SYT2: variants seen among roughly 807,000 people sequenced by gnomAD.
SYT2 encodes the protein synaptotagmin 2, also known as synaptotagmin-2.
SYT2 carries 15 observed loss-of-function variants against 39.9 expected under a neutral mutation model. That is an observed-to-expected ratio of 0.38 (90% confidence interval 0.25 to 0.58). The LOEUF is 0.58. Among genes scored for constraint, SYT2 ranks in the 20% least tolerant of loss-of-function variants. SYT2 has a pLI of 0.70. For synonymous variants in SYT2, 181 were observed against 204.5 expected (o/e 0.89, Z 0.98); for missense variants, 389 against 530.3 (o/e 0.73, Z 2.62).
intron 1 of SYT2, among the ~76,000 whole-genome samples, chr1:202,612,874 T>C (rs557019317): frequency 6.6e-6 from 1 of 152,184 alleles, no homozygotes; most frequent in African/African-American, 2.4e-5. Flanking sequence ...TCCTTCAAGA[T>C]TGTTTTGTAG....
chr1:202,596,952 T>C lies in SYT2; in HGVS notation c.1065A>G (p.Val355=). ...TGTCATAGTCCAGCACGGTGACCAC[T>C]ACCTGGACTTTCTGCAAGGAAAACG... is the stretch of plus-strand genomic sequence containing the variant. ...IPFEQIQKVQ[V]VVTVLDYDKL... is the part of the protein sequence containing the mutation. The change falls in exon 9 of 9, where the codon GTA becomes GTG. Residue 355 remains valine, a synonymous_variant. Coordinates refer to ENST00000367268, the MANE Select transcript of SYT2 (RefSeq NM_177402.5). 1 of 1,613,338 alleles carries C rather than the reference T, an allele frequency of 6.2e-7. No individual in the cohort carries two copies. Among genetic ancestry groups the C allele is most frequent in the Non-Finnish European group, 8.5e-7 (1 of 1,179,384 alleles).
chr1:202,618,895 AAAG>A (rs983366052), intron 1 of SYT2, among the ~76,000 whole-genome samples: 2 of 152,192 alleles, frequency 1.3e-5, no homozygotes, highest in African/African-American at 4.8e-5. Flanking sequence ...AAAAATGTAA[AAAG>A]AAGGAAAACA....
chr1:202,705,849 T>G (rs1416932739), intron 1 of SYT2, among the ~76,000 whole-genome samples: 1 of 151,804 alleles, frequency 6.6e-6, no homozygotes, highest in African/African-American at 2.4e-5. Context: ...TGTGCCACCA[T>G]GCCCAGCTAA....
chr1:202,605,549 C>T, intron 2 of SYT2, 46 bp downstream of exon 2: 1 of 1,577,254 alleles, frequency 6.3e-7, no homozygotes, highest in Non-Finnish European at 8.7e-7. Flanking sequence ...TCACCTCTCC[C>T]AGACTCTAGC....
chr1:202,710,107 G>T (rs1654359414), intron 1 of SYT2, among the ~76,000 whole-genome samples, 151 bp downstream of exon 1: 1 of 151,974 alleles, frequency 6.6e-6, no homozygotes, highest in Non-Finnish European at 1.5e-5. Flanking sequence ...AAAGGACGGG[G>T]CAGACTCCCG....
At chr1:202,708,463 T>A (rs1159285827) in intron 1 of SYT2, among the ~76,000 whole-genome samples, 1 of 151,928 alleles carries the variant, frequency 6.6e-6, no homozygotes, top group Non-Finnish European at 1.5e-5. Context: ...AAGCCAAGCC[T>A]CTGGGGGGAG....
intron 1 of SYT2, among the ~76,000 whole-genome samples, chr1:202,647,391 G>A (rs1692106064): frequency 1.3e-5 from 2 of 152,184 alleles, no homozygotes; most frequent in African/African-American, 4.8e-5. Flanking sequence ...TTCTGTGGCT[G>A]TTCAGGTGTC....
intron 1 of SYT2, among the ~76,000 whole-genome samples, chr1:202,709,689 G>C (rs1028071293): frequency 1.3e-5 from 2 of 152,056 alleles, no homozygotes; most frequent in Non-Finnish European, 2.9e-5. Context: ...CCAGCTCCTC[G>C]TGCCCGTTGC....
At chr1:202,653,839 AGGC>A (rs1169565863) in intron 1 of SYT2, among the ~76,000 whole-genome samples, 1 of 152,168 alleles carries the variant, frequency 6.6e-6, no homozygotes, top group African/African-American at 2.4e-5. Context: ...CTGGTCAAGG[AGGC>A]TGGGAGCCTG....
intron 1 of SYT2, among the ~76,000 whole-genome samples, chr1:202,693,473 G>C (rs1223720349): frequency 6.6e-6 from 1 of 152,202 alleles, no homozygotes; most frequent in Non-Finnish European, 1.5e-5. Context: ...GAGAAGCTGA[G>C]TATGAGAAAA....
At chr1:202,655,417 G>A (rs186086765) in intron 1 of SYT2, among the ~76,000 whole-genome samples, 20 of 152,068 alleles carry the variant, frequency 1.3e-4, no homozygotes, top group African/African-American at 4.3e-4. Context: ...AAGTTCTTCC[G>A]TTTTCTTTAT....
At chr1:202,643,343 G>T in intron 1 of SYT2, 1 of 150,546 alleles carries the variant, frequency 6.6e-6, no homozygotes, top group South Asian at 2.1e-4. Context: ...GCGGGGGCGG[G>T]GACAGCTGGG....
chr1:202,700,278 C>T (rs1240384736), intron 1 of SYT2, among the ~76,000 whole-genome samples: 2 of 152,164 alleles, frequency 1.3e-5, no homozygotes, highest in Non-Finnish European at 2.9e-5. Context: ...GCCAGGCTGA[C>T]TCTGGACTTC....
chr1:202,676,192 C>T (rs1309628933), intron 1 of SYT2, among the ~76,000 whole-genome samples: 5 of 152,188 alleles, frequency 3.3e-5, no homozygotes, highest in Non-Finnish European at 7.3e-5. Context: ...TCCCCCCACC[C>T]AATTCAGAGT....
At chr1:202,619,265 G>T (rs777687446) in intron 1 of SYT2, among the ~76,000 whole-genome samples, 2 of 152,190 alleles carry the variant, frequency 1.3e-5, no homozygotes, top group Non-Finnish European at 2.9e-5. Flanking sequence ...AGGGTGCCAG[G>T]GCTCCCAGGA....
Position 202,596,784 on chromosome 1 carries a change from C to G in SYT2, c.1233G>C (p.Val411=). 3 of 1,614,054 alleles carry G rather than the reference C, an allele frequency of 1.9e-6. No homozygotes were observed. The highest frequency in any genetic ancestry group is 2.5e-6 in the Non-Finnish European group (3 of 1,179,938). ...QWHSLKPEEE[V]DALLGKNK The stretch of plus-strand genomic sequence containing the variant: ...ACTTGTTCTTGCCCAGGAGTGCATC[C>G]ACCTCCTCCTCAGGCTTGAGCGAGT... Residue 411 remains valine, a synonymous_variant, in exon 9 of 9, where the codon GTG becomes GTC. Coordinates refer to ENST00000367268, the MANE Select transcript of SYT2 (RefSeq NM_177402.5).
chr1:202,600,323 G>A, intron 7 of SYT2, 34 bp downstream of exon 7: 2 of 1,576,506 alleles, frequency 1.3e-6, no homozygotes, highest in Non-Finnish European at 1.7e-6. Flanking sequence ...GCTCGCTGGT[G>A]CCACCCAATG....
rs1017884298 is a variant in SYT2, at chr1:202,594,310, G to A, written c.*2447C>T. ...GTTCCTACCATTGCCTTTCCTCCCT[G>A]TCAAGGGAATGCAAATCTTGGGCTT... On this transcript the variant is annotated 3_prime_UTR_variant, in exon 9 of 9. Coordinates refer to ENST00000367268, the MANE Select transcript of SYT2 (RefSeq NM_177402.5). The A allele has an allele frequency of 6.6e-6, 1 of 152,232 alleles. No individual in the cohort carries two copies. The highest frequency in any genetic ancestry group is 2.4e-5 in the African/African-American group (1 of 41,444). The allele number at this position is 152,232 out of a possible 1,614,324, so 9.4% of individuals were successfully genotyped here. A position where few individuals can be genotyped will look rare whatever the true frequency, so the allele number is the denominator to read the frequency against.
At chr1:202,619,374 G>A (rs1691142200) in intron 1 of SYT2, among the ~76,000 whole-genome samples, 1 of 152,194 alleles carries the variant, frequency 6.6e-6, no homozygotes, top group Non-Finnish European at 1.5e-5. Flanking sequence ...GGGAGGCTGG[G>A]GGTGGGGAGA....
Sources: gnomAD v4.1 joint callset for allele counts (sites outside exome capture counted in the v4.1 genomes callset) on GRCh38, gnomAD v4.1.1 for gene constraint, MANE v1.5 for transcripts, NCBI Gene and HGNC (gene_info 2026-07-23, HGNC 2026-07-21) for gene names.